GRB14: variants seen among roughly 807,000 people sequenced by gnomAD.
The protein encoded by GRB14 is growth factor receptor-bound protein 14.
GRB14 carries 38 observed loss-of-function variants against 69.1 expected under a neutral mutation model. The ratio of observed to expected loss-of-function variants is 0.55; its 90% confidence interval spans 0.42 to 0.72. GRB14 has a LOEUF of 0.72. Ranked by LOEUF, GRB14 falls within the 30% of genes least tolerant of loss-of-function variation. The pLI is 0.00. For missense variants in GRB14, 666 were observed against 666.1 expected, an observed-to-expected ratio of 1.00 and a Z score of 0.00; for synonymous variants, 247 against 241.3, an observed-to-expected ratio of 1.02 and a Z score of -0.22.
intron 2 of GRB14, among the ~76,000 whole-genome samples, chr2:164,609,447 T>C (rs1690113882): frequency 6.6e-6 from 1 of 152,192 alleles, no homozygotes; most frequent in African/African-American, 2.4e-5. Flanking sequence ...CCCAGCAAAC[T>C]TCCTGAAGGC....
At chr2:164,549,678 C>T (rs1247501705) in intron 2 of GRB14, among the ~76,000 whole-genome samples, 1 of 151,924 alleles carries the variant, frequency 6.6e-6, no homozygotes, top group African/African-American at 2.4e-5. Flanking sequence ...GCCTGGCCAA[C>T]ATGGCAAAAC....
At chr2:164,572,272 C>A (rs985651724) in intron 2 of GRB14, among the ~76,000 whole-genome samples, 7 of 152,134 alleles carry the variant, frequency 4.6e-5, no homozygotes, top group Non-Finnish European at 8.8e-5. Flanking sequence ...GGTTTCAAGT[C>A]CCCCTTTCAA....
intron 2 of GRB14, among the ~76,000 whole-genome samples, chr2:164,610,805 T>G (rs898292490): frequency 1.4e-5 from 2 of 140,528 alleles, no homozygotes; most frequent in African/African-American, 5.4e-5. Flanking sequence ...AATAGATAAA[T>G]GAGACAATTC....
intron 2 of GRB14, among the ~76,000 whole-genome samples, chr2:164,603,675 T>A (rs35104820): frequency 0.73 from 104,776 of 143,854 alleles, 38,174 homozygotes; most frequent in Admixed American, 0.8. Context: ...AAAAAAAATA[T>A]ATATATATTA....
intron 2 of GRB14, among the ~76,000 whole-genome samples, chr2:164,590,049 G>C (rs1387695305): frequency 2.0e-5 from 3 of 152,036 alleles, no homozygotes; most frequent in Non-Finnish European, 4.4e-5. Context: ...TACCTCCAAA[G>C]GCCCCACATC....
chr2:164,523,406 G>C (rs1290160754), intron 5 of GRB14, among the ~76,000 whole-genome samples: 1 of 151,170 alleles, frequency 6.6e-6, no homozygotes, highest in African/African-American at 2.4e-5. Context: ...AAATGCATTA[G>C]TGTCTCATTT....
At chr2:164,524,853 G>A in intron 5 of GRB14, 151 bp downstream of exon 5, 1 of 529,378 alleles carries the variant, frequency 1.9e-6, no homozygotes, top group Non-Finnish European at 3.3e-6. Context: ...CTTTGCCTGG[G>A]TGCATTTTTT....
intron 2 of GRB14, among the ~76,000 whole-genome samples, chr2:164,569,666 C>T (rs1240121703): frequency 6.6e-6 from 1 of 152,120 alleles, no homozygotes; most frequent in Non-Finnish European, 1.5e-5. Flanking sequence ...GCATGGTGAG[C>T]TCATATTCCT....
At chr2:164,527,176 AATAT>A (rs57531034) in intron 3 of GRB14, 41 bp from the exon 4 acceptor site, 8,431 of 248,412 alleles carry the variant, frequency 0.034, 229 homozygotes, top group East Asian at 0.091. Context: ...CAGATAGACA[AATAT>A]ATATATATAT....
intron 6 of GRB14, among the ~76,000 whole-genome samples, chr2:164,511,936 A>G (rs1472585962): frequency 6.6e-6 from 1 of 152,048 alleles, no homozygotes; most frequent in Non-Finnish European, 1.5e-5. Context: ...ACCTGGTGGC[A>G]TTCACCACAA....
chr2:164,576,330 T>C (rs746613738), intron 2 of GRB14, among the ~76,000 whole-genome samples: 2 of 151,366 alleles, frequency 1.3e-5, no homozygotes, highest in Non-Finnish European at 3.0e-5. Context: ...TAGGGTAACA[T>C]AATAAAATAG....
Position 164,497,066 on chromosome 2 carries a change from G to A in GRB14, c.1324C>T (p.His442Tyr). 6.2e-7 allele frequency: 1 copy of A among 1,613,888 alleles called. No individual in the cohort carries two copies. The highest frequency in any genetic ancestry group is 8.5e-7 in the Non-Finnish European group (1 of 1,179,854). ...TGAGCCTCATCTCTAGAAATTTTGT[G>A]GTGAAACCATGGCTGGGACCGGTGG... ...AIHRSQPWFH[H>Y]KISRDEAQRL... Residue 442 changes from histidine (H) to tyrosine (Y), a missense_variant, in exon 12 of 14, where the codon CAC (histidine) becomes TAC (tyrosine). Coordinates refer to ENST00000263915, the MANE Select transcript of GRB14 (RefSeq NM_004490.3).
chr2:164,516,435 C>T (rs13403701), intron 6 of GRB14, among the ~76,000 whole-genome samples: 2,938 of 151,376 alleles, frequency 0.019, 76 homozygotes, highest in African/African-American at 0.067. Context: ...TTGCAGTGAG[C>T]TGAGATCATG....
intron 2 of GRB14, among the ~76,000 whole-genome samples, chr2:164,590,202 A>C (rs1357202916): frequency 6.6e-6 from 1 of 152,214 alleles, no homozygotes; most frequent in African/African-American, 2.4e-5. Flanking sequence ...TAAGGAACTC[A>C]GAGCCTCATT....
chr2:164,603,123 G>A (rs577989570), intron 2 of GRB14, among the ~76,000 whole-genome samples: 1 of 152,178 alleles, frequency 6.6e-6, no homozygotes, highest in African/African-American at 2.4e-5. Context: ...GAAGAGTGAG[G>A]GGTATTCATG....
At chr2:164,523,545 T>C (rs1687691112) in intron 5 of GRB14, among the ~76,000 whole-genome samples, 1 of 152,108 alleles carries the variant, frequency 6.6e-6, no homozygotes, top group Admixed American at 6.6e-5. Context: ...ACAGTAGATA[T>C]TTATGTTTTT....
At chr2:164,563,245 C>G (rs1422278261) in intron 2 of GRB14, among the ~76,000 whole-genome samples, 5 of 152,164 alleles carry the variant, frequency 3.3e-5, no homozygotes, top group African/African-American at 1.2e-4. Flanking sequence ...CATTTCATAT[C>G]TGGCACCAGA....
intron 2 of GRB14, among the ~76,000 whole-genome samples, chr2:164,609,784 A>T (rs1690124818): frequency 6.6e-6 from 1 of 152,208 alleles, no homozygotes; most frequent in African/African-American, 2.4e-5. Flanking sequence ...CTTTGACAAC[A>T]GTCAGGACAT....
At chr2:164,618,169 G>A (rs1690351925) in intron 2 of GRB14, among the ~76,000 whole-genome samples, 2 of 152,016 alleles carry the variant, frequency 1.3e-5, no homozygotes, top group African/African-American at 4.8e-5. Context: ...GTTTTACCAT[G>A]TTGGACAGGA....
Sources: allele counts gnomAD v4.1 joint callset (sites outside exome capture counted in the v4.1 genomes callset), GRCh38; gene constraint gnomAD v4.1.1; transcripts MANE v1.5; gene names NCBI Gene and HGNC (gene_info 2026-07-23, HGNC 2026-07-21).